The following HDAC9 variants were observed in gnomAD, a reference collection of about 807,000 sequenced individuals.
HDAC9 encodes histone deacetylase 9.
A neutral mutation model predicts 139.4 loss-of-function variants in HDAC9; 41 were observed. The observed-to-expected ratio is 0.29, with a 90% CI of 0.23 to 0.38. The LOEUF is 0.38. Ranked by LOEUF, HDAC9 falls within the 10% of genes least tolerant of loss-of-function variation. HDAC9 has a pLI of 1.00. For missense variants in HDAC9, 1,147 were observed against 1,297.0 expected, an observed-to-expected ratio of 0.88 and a Z score of 1.78; for synonymous variants, 517 against 476.2, an observed-to-expected ratio of 1.09 and a Z score of -1.12.
intron 1 of HDAC9, among the ~76,000 whole-genome samples, chr7:18,104,661 A>G (rs1006265185): frequency 5.9e-5 from 9 of 152,008 alleles, no homozygotes; most frequent in Admixed American, 2.6e-4. Context: ...AGCTTCTGGG[A>G]TATCATACTC....
At chr7:18,414,582 T>C (rs1788873269) in intron 1 of HDAC9, among the ~76,000 whole-genome samples, 1 of 152,206 alleles carries the variant, frequency 6.6e-6, no homozygotes, top group South Asian at 2.1e-4. Flanking sequence ...AAATAAATTA[T>C]AAGTAAACAA....
chr7:18,332,398 A>G (rs1388534137), intron 1 of HDAC9, among the ~76,000 whole-genome samples: 2 of 150,550 alleles, frequency 1.3e-5, no homozygotes, highest in African/African-American at 4.9e-5. Flanking sequence ...TGTGTGAGAG[A>G]GAGAGAGAGA....
chr7:18,805,921 A>G (rs1436060621), intron 17 of HDAC9, among the ~76,000 whole-genome samples: 1 of 152,216 alleles, frequency 6.6e-6, no homozygotes, highest in African/African-American at 2.4e-5. Flanking sequence ...ACTATAAATT[A>G]TATAGCCTCC....
intron 2 of HDAC9, among the ~76,000 whole-genome samples, chr7:18,569,215 C>CA (rs1823460224): frequency 6.6e-6 from 1 of 152,088 alleles, no homozygotes; most frequent in South Asian, 2.1e-4. Context: ...CAGCTATACA[C>CA]AGTAAGTCAA....
At position 18,593,974 on chromosome 7, in the gene HDAC9, G is replaced by A; in HGVS notation, c.609G>A (p.Lys203=). The A allele has an allele frequency of 6.2e-7, 1 of 1,612,816 alleles. No homozygotes were observed. ...TTAGTGGAACATCTCCATCCTACAA[G>A]TACACATTACCAGGAGCACAAGATG... The part of the protein sequence containing the change: ...PPLSGTSPSY[K]YTLPGAQDAK... Residue 203 remains lysine, a synonymous_variant, in exon 6 of 26, where the codon AAG becomes AAA. Transcript: ENST00000686413.
chr7:18,804,186 A>G (rs1253394701), intron 17 of HDAC9, among the ~76,000 whole-genome samples: 3 of 152,200 alleles, frequency 2.0e-5, no homozygotes, highest in South Asian at 4.1e-4. Flanking sequence ...TAAGGGAAGC[A>G]TTATGTAGAT....
At chr7:18,213,036 C>T (rs1245991919) in intron 2 of HDAC9, among the ~76,000 whole-genome samples, 1 of 152,148 alleles carries the variant, frequency 6.6e-6, no homozygotes, top group African/African-American at 2.4e-5. Flanking sequence ...ATAACTACAG[C>T]TACAGTAATA....
At position 18,142,993 on chromosome 7, in the gene HDAC9, G is replaced by C. The variant is rs1786022978; in HGVS notation, c.-96-19236G>C. On this transcript the variant is annotated intron_variant, in intron 1 of 12. Transcript: ENST00000417496. The stretch of plus-strand genomic sequence containing the variant: ...GATATATTCAGTCCCTCCAGGGCAG[G>C]GGATGTCCTTCAGTTCCATCCTTGG... Among the ~76,000 whole-genome samples, 4 of 152,110 alleles carry C rather than the reference G, an allele frequency of 2.6e-5. No homozygotes were observed. The South Asian group carries it at 8.3e-4, about 32-fold the overall frequency.
At chr7:18,290,303 C>G (rs1797723407), upstream of HDAC9, 2 of 357,992 alleles carry the variant, frequency 5.6e-6, no homozygotes, top group Non-Finnish European at 5.5e-6. Flanking sequence ...CGTTCAGTAG[C>G]AGGGCAATGA....
intron 2 of HDAC9, among the ~76,000 whole-genome samples, chr7:18,542,447 CTAAGT>C (rs960012517): frequency 6.6e-6 from 1 of 152,020 alleles, no homozygotes; most frequent in African/African-American, 2.4e-5. Context: ...CATAGGATGC[CTAAGT>C]TAATATTTGA....
chr7:18,229,886 A>G (rs760483213), intron 2 of HDAC9, among the ~76,000 whole-genome samples: 1 of 152,180 alleles, frequency 6.6e-6, no homozygotes, highest in South Asian at 2.1e-4. Flanking sequence ...CCAGAAGCCT[A>G]TTTACTAATT....
Position 18,308,989 on chromosome 7 carries a change from G to A in HDAC9, c.-42+18474G>A, listed in dbSNP as rs1325596039. ...CACATGGCTGGTGAGAGGAGAATTC[G>A]TGTCAACTCCAATTCCTTTGGAGAA... On this transcript the variant is annotated intron_variant, in intron 1 of 3. Transcript: ENST00000413509. 5.9e-5 allele frequency among the ~76,000 whole-genome samples: 9 copies of A among 152,148 alleles called. No homozygotes were observed. In the South Asian group the frequency reaches 1.0e-3, roughly 18 times the overall value.
intron 17 of HDAC9, among the ~76,000 whole-genome samples, chr7:18,824,069 G>GAAGAAGAAGAAGAAGAAGAAGAAA (rs1562966463): frequency 4.0e-5 from 6 of 150,220 alleles, no homozygotes; most frequent in African/African-American, 1.5e-4. Context: ...AGAAGAAGAA[G>GAAGAAGAAGAAGAAGAAGAAGAAA]AAGAAGAAGA....
intron 12 of HDAC9, among the ~76,000 whole-genome samples, chr7:18,680,185 C>T (rs1781796690): frequency 6.6e-6 from 1 of 151,944 alleles, no homozygotes; most frequent in African/African-American, 2.4e-5. Flanking sequence ...CAGTGGCAAA[C>T]TTAGAGAAAA....
chr7:18,618,760 A>ATATATATATGTG (rs1388208113), intron 6 of HDAC9, among the ~76,000 whole-genome samples: 1 of 133,826 alleles, frequency 7.5e-6, no homozygotes, highest in East Asian at 2.2e-4. Flanking sequence ...ATATATATAT[A>ATATATATATGTG]TGTAGGAATT....
At chr7:18,384,323 C>T (rs982539104) in intron 1 of HDAC9, among the ~76,000 whole-genome samples, 4 of 151,720 alleles carry the variant, frequency 2.6e-5, no homozygotes, top group East Asian at 3.9e-4. Context: ...AAAAAAAATG[C>T]GTACACTCAA....
At chr7:18,417,992 C>G (rs867065909) in intron 1 of HDAC9, among the ~76,000 whole-genome samples, 1 of 152,176 alleles carries the variant, frequency 6.6e-6, no homozygotes, top group Non-Finnish European at 1.5e-5. Context: ...GTCCACCACG[C>G]TCCCCCGGAC....
At chr7:18,624,873 A>G (rs180859667) in intron 6 of HDAC9, among the ~76,000 whole-genome samples, 1 of 152,088 alleles carries the variant, frequency 6.6e-6, no homozygotes, top group Non-Finnish European at 1.5e-5. Context: ...CACTACTGAG[A>G]TTTTAATATC....
chr7:18,519,406 A>G (rs1397323474), intron 2 of HDAC9, among the ~76,000 whole-genome samples: 1 of 152,202 alleles, frequency 6.6e-6, no homozygotes, highest in Non-Finnish European at 1.5e-5. Context: ...AGAAATATAA[A>G]CTGTAAATCA....
Sources: gnomAD v4.1 joint callset for allele counts (sites outside exome capture counted in the v4.1 genomes callset) on GRCh38, gnomAD v4.1.1 for gene constraint, MANE v1.5 for transcripts, NCBI Gene and HGNC (gene_info 2026-07-23, HGNC 2026-07-21) for gene names.